The following BBS5 variants were observed in gnomAD, a reference collection of about 807,000 sequenced individuals.
BBS5 encodes the protein Bardet-Biedl syndrome 5.
BBS5 carries 39 observed loss-of-function variants against 50.2 expected under a neutral mutation model. That is an observed-to-expected ratio of 0.78 (90% CI 0.60 to 1.01). BBS5 has a LOEUF of 1.01. Among genes scored for constraint, BBS5 ranks in the 50% least tolerant of loss-of-function variants. The pLI, the probability that BBS5 is intolerant of heterozygous loss-of-function variation, is 0.00. For missense variants in BBS5, 356 were observed against 401.5 expected, an observed-to-expected ratio of 0.89 and a Z score of 0.97; for synonymous variants, 134 against 133.1, an observed-to-expected ratio of 1.01 and a Z score of -0.05.
intron 1 of BBS5, among the ~76,000 whole-genome samples, chr2:169,481,682 C>G (rs1007610667): frequency 1.3e-5 from 2 of 151,756 alleles, no homozygotes; most frequent in Non-Finnish European, 2.9e-5. Flanking sequence ...CTCTTATTTC[C>G]TTTTGTCACC....
At chr2:169,497,381 C>T (rs79531285) in intron 7 of BBS5, among the ~76,000 whole-genome samples, 6 of 151,986 alleles carry the variant, frequency 3.9e-5, no homozygotes, top group African/African-American at 9.7e-5. Context: ...TATTTGAGTC[C>T]GGGAATTTTG....
In BBS5 at chr2:169,505,628, G is replaced by A. The variant is rs1302580156; in HGVS notation, c.*1046G>A. Reference sequence around the variant, plus strand: ...GGCCGCGACCCCATTTGGGAGGTGAGGAGCAACTCTGCCCAGCCGCCCCGT... The same window carrying A: ...GGCCGCGACCCCATTTGGGAGGTGAAGAGCAACTCTGCCCAGCCGCCCCGT... On this transcript the variant is annotated 3_prime_UTR_variant, in exon 12 of 12. Coordinates refer to ENST00000295240, the MANE Select transcript of BBS5 (RefSeq NM_152384.3). The A allele has an allele frequency of 4.0e-6, 1 of 251,110 alleles. No homozygotes were observed. Among genetic ancestry groups the A allele is most frequent in the Non-Finnish European group, 7.9e-6 (1 of 126,414 alleles). The allele number at this position is 251,110 out of a possible 1,614,324, so 15.6% of individuals were successfully genotyped here.
intron 5 of BBS5, among the ~76,000 whole-genome samples, chr2:169,490,359 A>G (rs902232833): frequency 1.3e-5 from 2 of 151,226 alleles, no homozygotes; most frequent in African/African-American, 4.9e-5. Context: ...ACGCCCGGCT[A>G]ATTTTTTGTA....
At chr2:169,482,761 G>A (rs989161452) in intron 2 of BBS5, 6 of 208,484 alleles carry the variant, frequency 2.9e-5, no homozygotes, top group Middle Eastern at 1.9e-3. Context: ...ATGGATATGC[G>A]GAGAGCAAAT....
rs1479464771 is a variant in BBS5 at position 169,485,742 on chromosome 2, A to G, written c.143-1327A>G. Among the ~76,000 whole-genome samples the G allele has an allele frequency of 2.6e-5, 4 of 152,276 alleles. No individual in the cohort carries two copies. In the East Asian group the frequency reaches 7.7e-4, roughly 29 times the overall value. On this transcript the variant is annotated intron_variant, in intron 2 of 11. Transcript: ENST00000295240. ...AGATGACTTGTATAGAGTACATCTA[A>G]GGGTTCCTTGTATACTCTGGCTTCC... is the stretch of plus-strand genomic sequence containing the variant.
intron 1 of BBS5, 41 bp from the exon 2 acceptor site, chr2:169,482,210 T>C: frequency 8.2e-7 from 1 of 1,222,502 alleles, no homozygotes; most frequent in Non-Finnish European, 1.2e-6. Context: ...CAAGCAGGTA[T>C]AGTTGTAGCT....
intron 1 of BBS5, among the ~76,000 whole-genome samples, chr2:169,481,506 G>A (rs1256693246): frequency 1.3e-5 from 2 of 152,172 alleles, no homozygotes; most frequent in Non-Finnish European, 2.9e-5. Context: ...TAGGCAGCAG[G>A]AAGATATAGA....
intron 10 of BBS5, 72 bp downstream of exon 10, chr2:169,503,250 G>A: frequency 8.1e-7 from 1 of 1,233,910 alleles, no homozygotes; most frequent in Non-Finnish European, 1.2e-6. Context: ...AAATAATGGT[G>A]TGTGTGAAAC....
At chr2:169,485,337 TAAA>T (rs1683471069) in intron 2 of BBS5, among the ~76,000 whole-genome samples, 1 of 152,164 alleles carries the variant, frequency 6.6e-6, no homozygotes, top group African/African-American at 2.4e-5. Context: ...TTAACAATAA[TAAA>T]AACAGTAAAA....
chr2:169,487,019 A>G, intron 2 of BBS5, 50 bp from the exon 3 acceptor site: 1 of 1,286,582 alleles, frequency 7.8e-7, no homozygotes, highest in Non-Finnish European at 1.1e-6. Context: ...CAGTGCTGCA[A>G]AAATGGGTTC....
At chr2:169,491,857 C>T (rs745521406) in intron 5 of BBS5, among the ~76,000 whole-genome samples, 3 of 152,074 alleles carry the variant, frequency 2.0e-5, no homozygotes, top group Non-Finnish European at 2.9e-5. Flanking sequence ...AGTGCAGTGG[C>T]GCAATCTCAG....
Position 169,479,539 on chromosome 2 carries a change from CG to C in BBS5, c.-12del. 6.2e-7 allele frequency: 1 copy of C among 1,614,120 alleles called. No individual in the cohort carries two copies. Among genetic ancestry groups the C allele is most frequent in the Non-Finnish European group, 8.5e-7 (1 of 1,179,952 alleles). ...GCACGGCTGTGGAGAGATCCTGCCA[CG>C]GGCCTTGTTCACCATGTCGGTGCTG... On this transcript the variant is annotated 5_prime_UTR_variant, in exon 1 of 12. Transcript: ENST00000295240.
chr2:169,504,576 G>T lies in BBS5; in HGVS notation c.1020G>T (p.Met340Ile). 1 of 1,606,954 alleles carries T rather than the reference G, an allele frequency of 6.2e-7. No individual in the cohort carries two copies. The part of the protein sequence containing the change: ...GFTLQGLWEV[M>I]S ...CCCTACAGGGACTTTGGGAAGTAAT[G>T]AGTTGATTGACCTTGAGTTGAGATG... The change falls in exon 12 of 12, where the codon ATG becomes ATT. Residue 340 changes from methionine (M) to isoleucine (I), a missense_variant. Transcript: ENST00000295240.
intron 5 of BBS5, 30 bp from the exon 6 acceptor site, chr2:169,492,844 G>A: frequency 6.3e-7 from 1 of 1,593,638 alleles, no homozygotes; most frequent in African/African-American, 1.3e-5. Flanking sequence ...TTTTCAGTTT[G>A]AGTTGTCTTT....
chr2:169,485,200 A>G (rs16856981), intron 2 of BBS5, among the ~76,000 whole-genome samples: 10,879 of 152,296 alleles, frequency 0.071, 549 homozygotes, highest in South Asian at 0.21. Flanking sequence ...GAAAACAGGT[A>G]TATCTATATA....
In BBS5 at chr2:169,504,698, G is replaced by GT; in HGVS notation, c.*117dup. On this transcript the variant is annotated 3_prime_UTR_variant, in exon 12 of 12. Coordinates refer to ENST00000295240, the MANE Select transcript of BBS5 (RefSeq NM_152384.3). ...TTTACAGCTTTTATATTTAAAACTT[G>GT]TAAGAGTTTTTTTAATGATTGAGGA... 8.4e-7 allele frequency: 1 copy of GT among 1,184,674 alleles called. No individual in the cohort carries two copies. The highest frequency in any genetic ancestry group is 2.2e-5 in the Admixed American group (1 of 45,942). The allele number at this position is 1,184,674 out of a possible 1,614,324, so 73.4% of individuals were successfully genotyped here.
intron 10 of BBS5, 41 bp from the exon 11 acceptor site, chr2:169,504,262 A>G: frequency 1.9e-6 from 3 of 1,580,088 alleles, no homozygotes; most frequent in Non-Finnish European, 2.6e-6. Context: ...TTCGAATATT[A>G]TATGTCCAGT....
chr2:169,488,787 T>C (rs1344649545), intron 5 of BBS5, among the ~76,000 whole-genome samples: 1 of 152,238 alleles, frequency 6.6e-6, no homozygotes, highest in Non-Finnish European at 1.5e-5. Context: ...GAAGATTCAT[T>C]AAAAATTTCT....
chr2:169,503,758 A>G (rs950532232), intron 10 of BBS5, among the ~76,000 whole-genome samples: 17 of 152,240 alleles, frequency 1.1e-4, no homozygotes, highest in Non-Finnish European at 8.8e-5. Flanking sequence ...AGCCAAAATA[A>G]TAGTGCTTTC....
Sources: gnomAD v4.1 joint callset for allele counts (sites outside exome capture counted in the v4.1 genomes callset) on GRCh38, gnomAD v4.1.1 for gene constraint, MANE v1.5 for transcripts, NCBI Gene and HGNC (gene_info 2026-07-23, HGNC 2026-07-21) for gene names.